Variants in CACNA1D observed in about 807,000 individuals in gnomAD.
The protein encoded by CACNA1D is voltage-dependent L-type calcium channel subunit alpha-1D.
In CACNA1D, 55 loss-of-function variants were observed where a neutral mutation model predicts 257.1. That is an observed-to-expected ratio of 0.21 (90% CI 0.17 to 0.27). The LOEUF is 0.27. CACNA1D is among the 10% of genes least tolerant of loss of function. The pLI is 1.00. For missense variants in CACNA1D, 1,876 were observed against 2,784.0 expected (o/e 0.67, Z 7.34); for synonymous variants, 980 against 1,014.9 (o/e 0.97, Z 0.65).
rs529621267 is a variant in CACNA1D at position 53,684,595 on chromosome 3, C to G, written c.1220+11469C>G. 3.6e-5 allele frequency among the ~76,000 whole-genome samples: 5 copies of G among 139,946 alleles called. No individual in the cohort carries two copies. The East Asian group carries it at 1.1e-3, about 30-fold the overall frequency. 91.8% of individuals were successfully genotyped at this position (139,946 alleles called of 152,430 possible). ...CTGAGGTCACGCCACTGCACTCCAGCCTGGGCAACAAGAGTGAAACTCTGT... is the reference window on the plus strand; with the variant it reads ...CTGAGGTCACGCCACTGCACTCCAGGCTGGGCAACAAGAGTGAAACTCTGT... On this transcript the variant is annotated intron_variant, in intron 8 of 47. Coordinates refer to ENST00000350061, the MANE Select transcript of CACNA1D (RefSeq NM_001128840.3).
intron 8 of CACNA1D, among the ~76,000 whole-genome samples, chr3:53,675,598 A>C (rs947323907): frequency 2.6e-5 from 4 of 152,182 alleles, no homozygotes; most frequent in Non-Finnish European, 5.9e-5. Flanking sequence ...TGCTTAAAAA[A>C]AGAAAAGAGA....
chr3:53,609,226 T>A (rs980472841), intron 3 of CACNA1D, among the ~76,000 whole-genome samples: 2 of 152,020 alleles, frequency 1.3e-5, no homozygotes, highest in Non-Finnish European at 1.5e-5. Context: ...CTGGCTAACA[T>A]GGTGAAACCC....
At chr3:53,743,989 A>G (rs1378948801) in intron 22 of CACNA1D, among the ~76,000 whole-genome samples, 1 of 152,120 alleles carries the variant, frequency 6.6e-6, no homozygotes, top group Admixed American at 6.5e-5. Flanking sequence ...TGCAGCTCCT[A>G]TTAACTCCCA....
intron 33 of CACNA1D, among the ~76,000 whole-genome samples, chr3:53,773,233 T>C (rs1196482619): frequency 6.6e-6 from 1 of 152,020 alleles, no homozygotes; most frequent in Non-Finnish European, 1.5e-5. Context: ...CCCTCGTGGG[T>C]CTTTTCAGTC....
intron 3 of CACNA1D, among the ~76,000 whole-genome samples, chr3:53,573,250 A>G (rs1391115801): frequency 6.6e-6 from 1 of 152,108 alleles, no homozygotes; most frequent in Non-Finnish European, 1.5e-5. Flanking sequence ...TGCTGGCAGG[A>G]AAGGGCTGAC....
At chr3:53,780,789 G>A (rs1049968039) in intron 38 of CACNA1D, among the ~76,000 whole-genome samples, 5 of 152,230 alleles carry the variant, frequency 3.3e-5, no homozygotes, top group African/African-American at 1.2e-4. Context: ...ACAGGCTGAG[G>A]AGTGACCAGG....
chr3:53,630,047 T>C (rs1576158171), intron 3 of CACNA1D, among the ~76,000 whole-genome samples: 2 of 152,352 alleles, frequency 1.3e-5, no homozygotes, highest in African/African-American at 4.8e-5. Flanking sequence ...CCTGTTAGGT[T>C]GGTTACTTTA....
Position 53,745,745 on chromosome 3 carries a change from C to A in CACNA1D, c.3114+14C>A. ...CAGTTGTTCAAGGTAGAGGAACTGCCTCCAAGCATAAAACTCAGGTGGATT... is the reference window on the plus strand; with the variant it reads ...CAGTTGTTCAAGGTAGAGGAACTGCATCCAAGCATAAAACTCAGGTGGATT... On this transcript the variant is annotated intron_variant, in intron 24 of 47. Transcript: ENST00000350061. 1 of 1,603,318 alleles carries A rather than the reference C, an allele frequency of 6.2e-7. No homozygotes were observed. Among genetic ancestry groups the A allele is most frequent in the Non-Finnish European group, 8.5e-7 (1 of 1,170,108 alleles).
chr3:53,800,041 T>C lies in CACNA1D; in HGVS notation c.4924-208T>C. 3.0e-6 allele frequency: 2 copies of C among 658,446 alleles called. No individual in the cohort carries two copies. Among genetic ancestry groups the C allele is most frequent in the Non-Finnish European group, 5.5e-6 (2 of 365,738 alleles). 40.8% of individuals were successfully genotyped at this position (658,446 alleles called of 1,614,324 possible). A position where few individuals can be genotyped will look rare whatever the true frequency, so the allele number is the denominator to read the frequency against. On this transcript the variant is annotated intron_variant, in intron 40 of 47. Transcript: ENST00000350061. The surrounding 1 kb of genome is among the most constrained non-coding windows in gnomAD (Gnocchi z 4.3). ...GTTACGGGGTTGCAGGCCTCAGGCA[T>C]CCTACCTAGGACCTTCTTGACCCTC...
rs528610094 is a variant in CACNA1D at position 53,645,020 on chromosome 3, A to C, written c.484-5759A>C. Among the ~76,000 whole-genome samples the C allele has an allele frequency of 3.0e-4, 46 of 152,328 alleles. 1 individual carries two copies. The highest frequency in any genetic ancestry group is 6.8e-3 in the Middle Eastern group (2 of 294). On this transcript the variant is annotated intron_variant, in intron 3 of 47. Transcript: ENST00000350061. Reference sequence around the variant, plus strand: ...CTTTTTGACAATAGCCATTCCAATGAATGTGAGGTGATGGCTCATTGTGGT... The same window carrying C: ...CTTTTTGACAATAGCCATTCCAATGCATGTGAGGTGATGGCTCATTGTGGT...
At position 53,800,373 on chromosome 3, in the gene CACNA1D, T is replaced by C. The variant is rs1031112127; in HGVS notation, c.5040+8T>C. The C allele has an allele frequency of 2.6e-6, 4 of 1,541,142 alleles. No individual in the cohort carries two copies. The highest frequency in any genetic ancestry group is 1.8e-6 in the Non-Finnish European group (2 of 1,113,416). On this transcript the variant is annotated splice_region_variant and intron_variant, in intron 41 of 47. Transcript: ENST00000350061. The surrounding 1 kb of genome is among the most constrained non-coding windows in gnomAD (Gnocchi z 4.3). ...GAAGATGATGTGTTCAAAGTAATTA[T>C]TCCACGCCTAGCTACACACTGGCCA...
chr3:53,730,666 T>G (rs1576485289), intron 16 of CACNA1D, 110 bp downstream of exon 16: 8 of 809,512 alleles, frequency 9.9e-6, no homozygotes, highest in Non-Finnish European at 1.5e-5. Flanking sequence ...AGCCCCCGGG[T>G]TGCTGCTTTG....
chr3:53,807,822 GT>G (rs943689072), intron 45 of CACNA1D: 1 of 152,198 alleles, frequency 6.6e-6, no homozygotes, highest in Non-Finnish European at 1.5e-5. Context: ...AATTAGAGGT[GT>G]CCTTTGTTTG....
chr3:53,608,210 G>A (rs1312016512), intron 3 of CACNA1D, among the ~76,000 whole-genome samples: 1 of 151,780 alleles, frequency 6.6e-6, no homozygotes, highest in Admixed American at 6.6e-5. Flanking sequence ...CAAATGTTTT[G>A]CATAATTTTC....
chr3:53,573,654 C>T (rs1293107255), intron 3 of CACNA1D, among the ~76,000 whole-genome samples: 1 of 152,222 alleles, frequency 6.6e-6, no homozygotes, highest in African/African-American at 2.4e-5. Flanking sequence ...GCTAGAATGA[C>T]ATCTCCATGA....
At position 53,584,036 on chromosome 3, in the gene CACNA1D, G is replaced by A. The variant is rs149609109; in HGVS notation, c.484-66743G>A. ...AGTCAGACAAGTCCTGATATAGGTG[G>A]GGTCTGGACATCCTGAGTGATCATT... On this transcript the variant is annotated intron_variant, in intron 3 of 47. Transcript: ENST00000350061. 5.4e-3 allele frequency among the ~76,000 whole-genome samples: 823 copies of A among 152,290 alleles called. 5 individuals carry two copies. The highest frequency in any genetic ancestry group is 0.019 in the African/African-American group (786 of 41,544).
intron 7 of CACNA1D, among the ~76,000 whole-genome samples, chr3:53,671,734 ATTTTTTTT>A (rs2094325121): frequency 6.6e-6 from 1 of 152,052 alleles, no homozygotes; most frequent in East Asian, 1.9e-4. Context: ...ATGTTAGGTA[ATTTTTTTT>A]AATGTTCACT....
chr3:53,812,019 A>G lies in CACNA1D; in HGVS notation c.*613A>G, dbSNP rs955891183. 3 of 152,488 alleles carry G rather than the reference A, an allele frequency of 2.0e-5. No homozygotes were observed. The highest frequency in any genetic ancestry group is 2.9e-5 in the Non-Finnish European group (2 of 68,034). 9.4% of individuals were successfully genotyped at this position (152,488 alleles called of 1,614,324 possible). A position where few individuals can be genotyped will look rare whatever the true frequency, so the allele number is the denominator to read the frequency against. On this transcript the variant is annotated 3_prime_UTR_variant, in exon 48 of 48. Transcript: ENST00000350061. Reference sequence around the variant, plus strand: ...CATAAATAAGGTTTTCTGTGATGTGACGCCAGTTTACATAAGAGAATATCA... The same window carrying G: ...CATAAATAAGGTTTTCTGTGATGTGGCGCCAGTTTACATAAGAGAATATCA...
chr3:53,670,081 C>G (rs1188916427), intron 7 of CACNA1D, among the ~76,000 whole-genome samples: 1 of 152,202 alleles, frequency 6.6e-6, no homozygotes, highest in Admixed American at 6.5e-5. Context: ...GCACCAAGCT[C>G]TTTTCTCAGT....
Sources: gnomAD v4.1 joint callset for allele counts (sites outside exome capture counted in the v4.1 genomes callset) on GRCh38, gnomAD v4.1.1 for gene constraint, Gnocchi (gnomAD v3.1) non-coding constraint, MANE v1.5 for transcripts, NCBI Gene and HGNC (gene_info 2026-07-23, HGNC 2026-07-21) for gene names.